The following HK1 variants were observed in gnomAD, a reference collection of about 807,000 sequenced individuals.
HK1 encodes the protein hexokinase 1.
HK1 carries 28 observed loss-of-function variants against 91.6 expected under a neutral mutation model. The observed-to-expected ratio is 0.31, with a 90% CI of 0.23 to 0.42. The LOEUF (loss-of-function observed/expected upper bound fraction) is 0.42, where lower values mean the gene tolerates loss of function less well. HK1 is among the 10% of genes least tolerant of loss of function. HK1 has a pLI of 1.00. For synonymous variants in HK1, 430 were observed against 468.1 expected, an observed-to-expected ratio of 0.92 and a Z score of 1.05; for missense variants, 770 against 1,219.8, an observed-to-expected ratio of 0.63 and a Z score of 5.49.
chr10:69,289,602 G>GGCTGTAATTTCAGCCTCC (rs1164070169), intron 3 of HK1, among the ~76,000 whole-genome samples: 46 of 148,404 alleles, frequency 3.1e-4, no homozygotes, highest in African/African-American at 1.0e-3. Flanking sequence ...CTCCCTAGTA[G>GGCTGTAATTTCAGCCTCC]CTGAAATTAC....
intron 1 of HK1, chr10:69,338,817 G>T: frequency 1.4e-6 from 1 of 716,512 alleles, no homozygotes; most frequent in Non-Finnish European, 1.9e-6. Flanking sequence ...GGAAAAGGAA[G>T]GAGGAGAGTA....
Position 69,369,605 on chromosome 10 carries a change from C to A in HK1, c.856C>A (p.Leu286Ile). 6.2e-7 allele frequency: 1 copy of A among 1,614,120 alleles called. No individual in the cohort carries two copies. Among genetic ancestry groups the A allele is most frequent in the Non-Finnish European group, 8.5e-7 (1 of 1,180,016 alleles). ...TGACAGGGAGATAGACCGGGGATCC[C>A]TCAACCCTGGAAAACAGCTGTGAGT... is the stretch of plus-strand genomic sequence containing the variant. ...EFDREIDRGS[L>I]NPGKQLFEKM... The change falls in exon 7 of 18, where the codon CTC becomes ATC. Residue 286 changes from leucine to isoleucine, a missense_variant. Coordinates refer to ENST00000359426, the MANE Select transcript of HK1 (RefSeq NM_000188.3). The surrounding 1 kb of genome is among the most constrained non-coding windows in gnomAD (Gnocchi z 4.4).
chr10:69,373,815 C>T (rs879042740), intron 7 of HK1, among the ~76,000 whole-genome samples: 2 of 152,062 alleles, frequency 1.3e-5, no homozygotes, highest in Admixed American at 1.3e-4. Flanking sequence ...GTCTCGAACT[C>T]CTGGGCTCAG....
At chr10:69,337,589 G>C (rs1201706475) in intron 1 of HK1, among the ~76,000 whole-genome samples, 1 of 152,216 alleles carries the variant, frequency 6.6e-6, no homozygotes, top group Non-Finnish European at 1.5e-5. Context: ...CTGAGTCAGT[G>C]TCCTTAGCAA....
chr10:69,356,882 C>CAAAAAAAAAA (rs778360296), intron 2 of HK1, among the ~76,000 whole-genome samples: 1 of 62,024 alleles, frequency 1.6e-5, no homozygotes, highest in Non-Finnish European at 3.0e-5. Flanking sequence ...AACTCCATCT[C>CAAAAAAAAAA]AAAAAAAAAA....
At chr10:69,336,500 AT>A (rs1441032680) in intron 1 of HK1, among the ~76,000 whole-genome samples, 2 of 151,262 alleles carry the variant, frequency 1.3e-5, no homozygotes, top group Non-Finnish European at 2.9e-5. Flanking sequence ...CTATTATTGC[AT>A]CTTTAAAAAA....
At chr10:69,295,701 T>TC in intron 4 of HK1, 1 of 1,501,816 alleles carries the variant, frequency 6.7e-7, no homozygotes, top group Non-Finnish European at 9.3e-7. Flanking sequence ...TATTTTTTTT[T>TC]TTATTTCCTT....
chr10:69,374,246 C>T (rs1030922548), intron 7 of HK1, among the ~76,000 whole-genome samples: 10 of 152,142 alleles, frequency 6.6e-5, no homozygotes, highest in African/African-American at 1.9e-4. Context: ...TGAAGCAGAC[C>T]CAGGGTGCTG....
intron 3 of HK1, among the ~76,000 whole-genome samples, chr10:69,363,779 T>G (rs928724037): frequency 2.6e-5 from 4 of 152,206 alleles, no homozygotes; most frequent in African/African-American, 9.7e-5. Flanking sequence ...ATGTAGAAGC[T>G]AGGGACCCAG....
At chr10:69,384,252 A>C in intron 10 of HK1, 81 bp from the exon 11 acceptor site, 1 of 1,549,908 alleles carries the variant, frequency 6.5e-7, no homozygotes, top group Non-Finnish European at 8.9e-7. Flanking sequence ...TCTCCCCTTG[A>C]AAGTCTGGAG....
intron 5 of HK1, among the ~76,000 whole-genome samples, chr10:69,309,921 A>G (rs1159955192): frequency 1.3e-5 from 2 of 149,252 alleles, no homozygotes; most frequent in South Asian, 2.1e-4. Context: ...GTTGTGGCGC[A>G]TGCCTGTAAT....
At chr10:69,334,727 G>A (rs1208808002) in intron 1 of HK1, among the ~76,000 whole-genome samples, 2 of 152,164 alleles carry the variant, frequency 1.3e-5, no homozygotes, top group Non-Finnish European at 2.9e-5. Context: ...CATGGCTCCT[G>A]TACCCCTGGC....
At chr10:69,320,744 C>G (rs1846973354) in intron 1 of HK1, among the ~76,000 whole-genome samples, 1 of 152,178 alleles carries the variant, frequency 6.6e-6, no homozygotes, top group Non-Finnish European at 1.5e-5. Context: ...CACCACCACC[C>G]ACAACAGACT....
chr10:69,364,922 A>G lies in HK1; in HGVS notation c.495+20A>G, dbSNP rs764744569. On this transcript the variant is annotated intron_variant, in intron 4 of 17. Transcript: ENST00000359426. ...GATGAGGTAAGGATGTTCTGGGATT[A>G]TCGGGCTCTGCAGATGCCCCGGGAT... is the stretch of plus-strand genomic sequence containing the variant. The G allele has an allele frequency of 1.2e-6, 2 of 1,614,082 alleles. No homozygotes were observed. Among genetic ancestry groups the G allele is most frequent in the Non-Finnish European group, 1.7e-6 (2 of 1,179,962 alleles).
rs369549284 is a variant in HK1 at position 69,382,631 on chromosome 10, A to G, written c.1410A>G (p.Ile470Met). ...AYRLAEQHRQ[I>M]EETLAHFHLT... ...GCTTGGCCGAGCAGCACCGGCAGAT[A>G]GAGGAGACCCTGGCTCATTTCCACC... The change falls in exon 10 of 18, where the codon ATA becomes ATG. Residue 470 changes from isoleucine to methionine, a missense_variant. By Grantham distance (10) the Ile-to-Met change is conservative. Around this residue, in one of 7 missense-constraint regions of HK1, gnomAD observed 449 missense variants for 665.1 expected, o/e 0.68. Transcript: ENST00000359426. 2.7e-5 allele frequency: 43 copies of G among 1,614,094 alleles called. No homozygotes were observed. The highest frequency in any genetic ancestry group is 3.5e-5 in the Non-Finnish European group (41 of 1,180,036).
Position 69,386,508 on chromosome 10 carries a change from G to A in HK1, c.1935+90G>A, listed in dbSNP as rs922442740. 3.0e-5 allele frequency: 32 copies of A among 1,053,420 alleles called. No homozygotes were observed. The South Asian group carries it at 3.9e-4, about 13-fold the overall frequency. The allele number at this position is 1,053,420 out of a possible 1,614,324, so 65.3% of individuals were successfully genotyped here. A position where few individuals can be genotyped will look rare whatever the true frequency, so the allele number is the denominator to read the frequency against. On this transcript the variant is annotated intron_variant, in intron 13 of 17. Transcript: ENST00000359426. The stretch of plus-strand genomic sequence containing the variant: ...GCCTGTTGTAAAGAATTCAGGCCAG[G>A]CGTGGTGGCTCACGCCTGTAATCCC...
intron 2 of HK1, among the ~76,000 whole-genome samples, chr10:69,286,939 T>G (rs2132448054): frequency 6.6e-6 from 1 of 152,304 alleles, no homozygotes; most frequent in Admixed American, 6.5e-5. Flanking sequence ...CCTAGAAGGC[T>G]TTACGCTTTC....
Position 69,274,546 on chromosome 10 carries a change from C to T in HK1, c.-391+4438C>T, listed in dbSNP as rs1397547846. Reference sequence around the variant, plus strand: ...TCAGGAGGCAGAGGTTGCTGCGAGCCGAGATGGCACTCCAGCCTGGGTGAC... The same window carrying T: ...TCAGGAGGCAGAGGTTGCTGCGAGCTGAGATGGCACTCCAGCCTGGGTGAC... On this transcript the variant is annotated intron_variant, in intron 1 of 21. Transcript: ENST00000360289. 3.4e-5 allele frequency among the ~76,000 whole-genome samples: 5 copies of T among 148,922 alleles called. No individual in the cohort carries two copies. In the East Asian group the frequency reaches 7.9e-4, roughly 24 times the overall value.
intron 2 of HK1, among the ~76,000 whole-genome samples, chr10:69,285,869 G>A (rs1216670878): frequency 6.6e-6 from 1 of 152,202 alleles, no homozygotes; most frequent in Admixed American, 6.5e-5. Context: ...GACCTTCAAA[G>A]CGAATGCCCT....
Sources: allele counts gnomAD v4.1 joint callset (sites outside exome capture counted in the v4.1 genomes callset), GRCh38; gene constraint gnomAD v4.1.1; regional missense constraint gnomAD v4.1.1; non-coding constraint Gnocchi (gnomAD v3.1); transcripts MANE v1.5; gene names NCBI Gene and HGNC (gene_info 2026-07-23, HGNC 2026-07-21).